RHOD: variants seen among roughly 807,000 people sequenced by gnomAD.
The protein encoded by RHOD is rho-related GTP-binding protein RhoD.
RHOD carries 11 observed loss-of-function variants against 16.7 expected under a neutral mutation model. The observed-to-expected ratio is 0.66, with a 90% CI of 0.41 to 1.09. The LOEUF (loss-of-function observed/expected upper bound fraction) is 1.09. Among genes scored for constraint, RHOD ranks in the 50% least tolerant of loss-of-function variants. The probability of loss-of-function intolerance (pLI) is 0.00; values close to 1 mark genes in which losing one functional copy is unlikely to be tolerated. For missense variants in RHOD, 271 were observed against 291.7 expected (o/e 0.93, Z 0.52); for synonymous variants, 124 against 126.3 (o/e 0.98, Z 0.12).
At chr11:67,065,568 C>G (rs1854949142) in intron 1 of RHOD, among the ~76,000 whole-genome samples, 1 of 152,110 alleles carries the variant, frequency 6.6e-6, no homozygotes, top group African/African-American at 2.4e-5. Flanking sequence ...ACGGTTTCAC[C>G]ATGTTGGCCA....
At chr11:67,070,150 A>G (rs996086662) in intron 3 of RHOD, 9 of 492,464 alleles carry the variant, frequency 1.8e-5, no homozygotes, top group Non-Finnish European at 2.7e-5. Flanking sequence ...TTTCCAGCCA[A>G]GGCCAAGTTA....
chr11:67,062,642 C>T (rs1389280474), intron 1 of RHOD, among the ~76,000 whole-genome samples: 3 of 152,200 alleles, frequency 2.0e-5, no homozygotes, highest in South Asian at 2.1e-4. Flanking sequence ...CCCTGGAGGA[C>T]GGTGCTGACC....
chr11:67,071,433 A>G lies in RHOD; in HGVS notation c.466-2A>G. ...CGCAGCCCCATCCACCTCTCCCTCT[A>G]GGGCCAGGAGATGGCGAGGTCCGTG... On this transcript the variant is annotated splice_acceptor_variant, in intron 4 of 4. Coordinates refer to ENST00000308831, the MANE Select transcript of RHOD (RefSeq NM_014578.4). LOFTEE classifies it high-confidence loss of function. 1 of 1,585,248 alleles carries G rather than the reference A, an allele frequency of 6.3e-7. No homozygotes were observed.
chr11:67,059,213 T>C (rs1309912971), intron 1 of RHOD, among the ~76,000 whole-genome samples: 1 of 152,058 alleles, frequency 6.6e-6, no homozygotes, highest in Non-Finnish European at 1.5e-5. Flanking sequence ...GGGCTCTGAG[T>C]TCCCTGGAGC....
At chr11:67,060,652 G>A (rs1157632488) in intron 1 of RHOD, among the ~76,000 whole-genome samples, 1 of 152,214 alleles carries the variant, frequency 6.6e-6, no homozygotes, top group Admixed American at 6.5e-5. Context: ...GTGTCACCTT[G>A]AACAAGTCAT....
Position 67,060,060 on chromosome 11 carries a change from C to G in RHOD, c.132+3026C>G, listed in dbSNP as rs549853822. Among the ~76,000 whole-genome samples the G allele has an allele frequency of 1.8e-3, 273 of 152,340 alleles. 3 individuals carry two copies. The highest frequency in any genetic ancestry group is 6.4e-3 in the African/African-American group (267 of 41,582). ...CCAGCCTCTGCCCAGTCCTGGCTGG[C>G]ATTTGTGGCTGCAACCATTCCCACA... On this transcript the variant is annotated intron_variant, in intron 1 of 4. Coordinates refer to ENST00000308831, the MANE Select transcript of RHOD (RefSeq NM_014578.4).
Position 67,066,816 on chromosome 11 carries a change from G to C in RHOD, c.299G>C (p.Ser100Thr). ...CTGCTGCTTTGCTTCGATGTCACCA[G>C]CCCGAACAGCTTTGACAACATCTTT... ...SVLLLCFDVT[S>T]PNSFDNIFNR... Residue 100 changes from serine to threonine, a missense_variant, in exon 3 of 5, where the codon AGC becomes ACC. Transcript: ENST00000308831. The C allele has an allele frequency of 6.2e-7, 1 of 1,613,800 alleles. No individual in the cohort carries two copies. Among genetic ancestry groups the C allele is most frequent in the Non-Finnish European group, 8.5e-7 (1 of 1,179,686 alleles).
At chr11:67,063,293 C>T (rs1662349114) in intron 1 of RHOD, among the ~76,000 whole-genome samples, 1 of 151,978 alleles carries the variant, frequency 6.6e-6, no homozygotes, top group East Asian at 1.9e-4. Context: ...GAGTTCGAGA[C>T]CAGCCTGGGC....
At chr11:67,070,337 C>A in intron 3 of RHOD, 88 bp from the exon 4 acceptor site, 1 of 1,401,662 alleles carries the variant, frequency 7.1e-7, no homozygotes, top group Non-Finnish European at 1.0e-6. Flanking sequence ...AGAGCTCAGG[C>A]TGGGGAGCAA....
intron 2 of RHOD, 93 bp downstream of exon 2, chr11:67,066,076 A>C: frequency 9.8e-7 from 1 of 1,022,364 alleles, no homozygotes; most frequent in Non-Finnish European, 1.5e-6. Flanking sequence ...TGAACCAGGG[A>C]GGCCAGCCAG....
intron 3 of RHOD, among the ~76,000 whole-genome samples, chr11:67,067,459 T>A (rs915444060): frequency 4.6e-5 from 7 of 152,178 alleles, no homozygotes; most frequent in Admixed American, 4.6e-4. Context: ...GGTACTTGCA[T>A]GTATTTACTC....
Position 67,056,882 on chromosome 11 carries a change from C to T in RHOD, c.-21C>T. Reference sequence around the variant, plus strand: ...TCTGCGCCGCAGCCGCCCGCCCGCCCGCTCAGCGCCCGGCCCCGGGATGAC... The same window carrying T: ...TCTGCGCCGCAGCCGCCCGCCCGCCTGCTCAGCGCCCGGCCCCGGGATGAC... On this transcript the variant is annotated 5_prime_UTR_variant, in exon 1 of 5. Coordinates refer to ENST00000308831, the MANE Select transcript of RHOD (RefSeq NM_014578.4). 3.6e-6 allele frequency: 5 copies of T among 1,379,196 alleles called. No individual in the cohort carries two copies. The highest frequency in any genetic ancestry group is 1.5e-5 in the African/African-American group (1 of 65,178). 85.4% of individuals were successfully genotyped at this position (1,379,196 alleles called of 1,614,324 possible). A position where few individuals can be genotyped will look rare whatever the true frequency, so the allele number is the denominator to read the frequency against.
In RHOD at chr11:67,056,907, C is replaced by A; in HGVS notation, c.5C>A (p.Thr2Lys). 1 of 1,454,306 alleles carries A rather than the reference C, an allele frequency of 6.9e-7. No homozygotes were observed. Among genetic ancestry groups the A allele is most frequent in the Non-Finnish European group, 9.0e-7 (1 of 1,112,080 alleles). The allele number at this position is 1,454,306 out of a possible 1,614,324, so 90.1% of individuals were successfully genotyped here. The change falls in exon 1 of 5, where the codon ACG (threonine) becomes AAG (lysine). Residue 2 changes from threonine (T) to lysine (K), a missense_variant. Thr to Lys is a moderately conservative substitution (Grantham distance 78). Transcript: ENST00000308831. ...CGCTCAGCGCCCGGCCCCGGGATGA[C>A]GGCGGCCCAGGCCGCGGGTGAGGAG... M[T>K]AAQAAGEEAP... is the part of the protein sequence containing the mutation.
chr11:67,066,385 C>T lies in RHOD; in HGVS notation c.221-353C>T, dbSNP rs376451683. 7.2e-5 allele frequency among the ~76,000 whole-genome samples: 11 copies of T among 152,248 alleles called. No individual in the cohort carries two copies. The East Asian group carries it at 1.9e-3, about 27-fold the overall frequency. ...CCTCCCAGCAGCCCTCTTAGTTGGA[C>T]GGGCTAAGATGTCTTTGCCAGGTTC... On this transcript the variant is annotated intron_variant, in intron 2 of 4. Transcript: ENST00000308831.
At chr11:67,059,378 G>T (rs945949558) in intron 1 of RHOD, among the ~76,000 whole-genome samples, 2 of 151,736 alleles carry the variant, frequency 1.3e-5, no homozygotes, top group South Asian at 4.2e-4. Flanking sequence ...CATGTCTACC[G>T]AAAATACAAA....
chr11:67,070,757 G>T (rs1855019524), intron 4 of RHOD, among the ~76,000 whole-genome samples, 198 bp downstream of exon 4: 1 of 152,156 alleles, frequency 6.6e-6, no homozygotes, highest in Non-Finnish European at 1.5e-5. Context: ...ACAGGCAAAA[G>T]GGAGAACAAG....
Position 67,065,909 on chromosome 11 carries a change from C to G in RHOD, c.146C>G (p.Thr49Arg). 1.3e-6 allele frequency: 2 copies of G among 1,515,172 alleles called. No homozygotes were observed. Among genetic ancestry groups the G allele is most frequent in the Non-Finnish European group, 1.8e-6 (2 of 1,116,822 alleles). 93.9% of individuals were successfully genotyped at this position (1,515,172 alleles called of 1,614,324 possible). The change falls in exon 2 of 5, where the codon ACG becomes AGG. Residue 49 changes from threonine to arginine, a missense_variant. Physicochemically the swap from Thr to Arg is moderately conservative, Grantham distance 71 (BLOSUM62 -1). Transcript: ENST00000308831. ...GCTTCTCCTCAGAGCTACACCCCCA[C>G]GGTGTTTGAGCGGTACATGGTCAAC... ...DGAFPESYTP[T>R]VFERYMVNLQ...
chr11:67,065,719 G>A (rs1179582604), intron 1 of RHOD, among the ~76,000 whole-genome samples, 177 bp from the exon 2 acceptor site: 1 of 152,084 alleles, frequency 6.6e-6, no homozygotes, highest in Non-Finnish European at 1.5e-5. Context: ...GGAGGTTCAG[G>A]AGTTTGCAAA....
At chr11:67,057,482 C>G (rs562881687) in intron 1 of RHOD, among the ~76,000 whole-genome samples, 1 of 152,352 alleles carries the variant, frequency 6.6e-6, no homozygotes, top group Non-Finnish European at 1.5e-5. Flanking sequence ...CACAGGGTCA[C>G]TGTGACAGAG....
Sources: allele counts gnomAD v4.1 joint callset (sites outside exome capture counted in the v4.1 genomes callset), GRCh38; gene constraint gnomAD v4.1.1; transcripts MANE v1.5; gene names NCBI Gene and HGNC (gene_info 2026-07-23, HGNC 2026-07-21).